The following OR5AN1 variants were observed in gnomAD, a reference collection of about 807,000 sequenced individuals.
The protein encoded by OR5AN1 is olfactory receptor 5AN1.
For synonymous variants in OR5AN1, 167 were observed against 131.8 expected, an observed-to-expected ratio of 1.27 and a Z score of -1.83; for missense variants, 476 against 368.9, an observed-to-expected ratio of 1.29 and a Z score of -2.38.
At position 59,371,030 on chromosome 11, in the gene OR5AN1, G is replaced by A. The variant is rs1857589731; in HGVS notation, c.*5636G>A. ...TCCATGTGTTATCTACACACAATTGGGTTCTTTTGCTTTAATATTTGTGTG... is the reference window on the plus strand; with the variant it reads ...TCCATGTGTTATCTACACACAATTGAGTTCTTTTGCTTTAATATTTGTGTG... On this transcript the variant is annotated 3_prime_UTR_variant, in exon 2 of 2. Transcript: ENST00000641998. 4 of 152,000 alleles carry A rather than the reference G, an allele frequency of 2.6e-5. No individual in the cohort carries two copies. The South Asian group carries it at 8.3e-4, about 32-fold the overall frequency. The allele number at this position is 152,000 out of a possible 1,614,324, so 9.4% of individuals were successfully genotyped here.
rs1288809999 is a variant in OR5AN1 at position 59,368,180 on chromosome 11, C to T, written c.*2786C>T. On this transcript the variant is annotated 3_prime_UTR_variant, in exon 2 of 2. Coordinates refer to ENST00000641998, the MANE Select transcript of OR5AN1 (RefSeq NM_001004729.2). ...AGCCACTGTCTTTGCTGTTTCACAG[C>T]CTTCACTGGTGACACCTCCAGGTTC... 1 of 152,300 alleles carries T rather than the reference C, an allele frequency of 6.6e-6. No individual in the cohort carries two copies. The highest frequency in any genetic ancestry group is 6.5e-5 in the Admixed American group (1 of 15,280). 9.4% of individuals were successfully genotyped at this position (152,300 alleles called of 1,614,324 possible). A position where few individuals can be genotyped will look rare whatever the true frequency, so the allele number is the denominator to read the frequency against.
intron 1 of OR5AN1, among the ~76,000 whole-genome samples, chr11:59,361,960 G>T (rs1857468582): frequency 6.6e-6 from 1 of 151,768 alleles, no homozygotes; most frequent in South Asian, 2.1e-4. Flanking sequence ...CATTATAAAT[G>T]GTTTGTAAGG....
chr11:59,365,000 A>G lies in OR5AN1; in HGVS notation c.542A>G (p.Asp181Gly), dbSNP rs1369767691. 3 of 1,614,010 alleles carry G rather than the reference A, an allele frequency of 1.9e-6. No individual in the cohort carries two copies. The highest frequency in any genetic ancestry group is 1.7e-5 in the Admixed American group (1 of 59,994). ...AATGTCATCAGACATTTCTTCTGTGACATGCCCCAACTGTTAATCTTGTCC... is the reference window on the plus strand; with the variant it reads ...AATGTCATCAGACATTTCTTCTGTGGCATGCCCCAACTGTTAATCTTGTCC... Reference protein sequence around the residue: ...GSNVIRHFFCDMPQLLILSCT... With the variant: ...GSNVIRHFFCGMPQLLILSCT... The change falls in exon 2 of 2, where the codon GAC (aspartate) becomes GGC (glycine). Residue 181 changes from aspartate (D) to glycine (G), a missense_variant. Asp to Gly is a moderately conservative substitution (Grantham distance 94, BLOSUM62 -1). Coordinates refer to ENST00000641998, the MANE Select transcript of OR5AN1 (RefSeq NM_001004729.2).
Position 59,365,080 on chromosome 11 carries a change from G to C in OR5AN1, c.622G>C (p.Gly208Arg). 1 of 1,614,050 alleles carries C rather than the reference G, an allele frequency of 6.2e-7. No homozygotes were observed. The highest frequency in any genetic ancestry group is 1.1e-5 in the South Asian group (1 of 91,080). Residue 208 changes from glycine (G) to arginine (R), a missense_variant, in exon 2 of 2, where the codon GGG (glycine) becomes CGG (arginine). Coordinates refer to ENST00000641998, the MANE Select transcript of OR5AN1 (RefSeq NM_001004729.2). ...VMTAILTMFF[G>R]IASALVIMIS... The stretch of plus-strand genomic sequence containing the variant: ...GACTGCTATATTAACCATGTTCTTT[G>C]GGATAGCAAGTGCCCTAGTTATCAT...
rs1045390539 is a variant in OR5AN1 at position 59,365,062 on chromosome 11, A to G, written c.604A>G (p.Ile202Val). The change falls in exon 2 of 2, where the codon ATA becomes GTA. Residue 202 changes from isoleucine to valine, a missense_variant. By Grantham distance (29) the Ile-to-Val change is conservative (BLOSUM62 3). Transcript: ENST00000641998. ...TTTCTTTGTACAGGTCATGACTGCT[A>G]TATTAACCATGTTCTTTGGGATAGC... is the stretch of plus-strand genomic sequence containing the variant. ...DTFFVQVMTA[I>V]LTMFFGIASA... is the part of the protein sequence containing the mutation. 3.1e-6 allele frequency: 5 copies of G among 1,613,972 alleles called. No individual in the cohort carries two copies. Among genetic ancestry groups the G allele is most frequent in the African/African-American group, 1.3e-5 (1 of 74,918 alleles).
chr11:59,365,389 T>C lies in OR5AN1; in HGVS notation c.931T>C (p.Cys311Arg), dbSNP rs771506013. 3 of 1,577,220 alleles carry C rather than the reference T, an allele frequency of 1.9e-6. No individual in the cohort carries two copies. The highest frequency in any genetic ancestry group is 2.3e-5 in the South Asian group (2 of 85,524). ...AAAGAGGTTGCAAAAGAGAAAGTGC[T>C]GCTGAGTTTACAGATTCTGAGATTT... Reference protein sequence around the residue: ...ALKRLQKRKCC With the variant: ...ALKRLQKRKCR The change falls in exon 2 of 2, where the codon TGC becomes CGC. Residue 311 changes from cysteine (C) to arginine (R), a missense_variant. Physicochemically the swap from Cys to Arg is radical, Grantham distance 180 (BLOSUM62 -3). Transcript: ENST00000641998.
rs969895358 is a variant in OR5AN1, at chr11:59,368,264, A to G, written c.*2870A>G. The G allele has an allele frequency of 6.6e-6, 1 of 152,268 alleles. No homozygotes were observed. Among genetic ancestry groups the G allele is most frequent in the African/African-American group, 2.4e-5 (1 of 41,450 alleles). The allele number at this position is 152,268 out of a possible 1,614,324, so 9.4% of individuals were successfully genotyped here. On this transcript the variant is annotated 3_prime_UTR_variant, in exon 2 of 2. Transcript: ENST00000641998. ...CCCCCAAGCATAAAACAGCAGCCCT[A>G]TGGAAAAGTGGCCAGAGTGTTTCGT...
At position 59,367,623 on chromosome 11, in the gene OR5AN1, C is replaced by T. The variant is rs1347094078; in HGVS notation, c.*2229C>T. The T allele has an allele frequency of 6.6e-6, 1 of 152,282 alleles. No homozygotes were observed. The allele number at this position is 152,282 out of a possible 1,614,324, so 9.4% of individuals were successfully genotyped here. On this transcript the variant is annotated 3_prime_UTR_variant, in exon 2 of 2. Coordinates refer to ENST00000641998, the MANE Select transcript of OR5AN1 (RefSeq NM_001004729.2). ...TCAAAGGGAAGAGCTGGGCTGTCAT[C>T]TTTGCTGTTCAGATGCCTTAGCTGT... is the stretch of plus-strand genomic sequence containing the variant.
chr11:59,363,819 G>T (rs969079100), intron 1 of OR5AN1, among the ~76,000 whole-genome samples: 1 of 152,156 alleles, frequency 6.6e-6, no homozygotes, highest in Non-Finnish European at 1.5e-5. Context: ...CTGGAGAGCA[G>T]CAGCATGATC....
chr11:59,371,316 G>GC lies in OR5AN1; in HGVS notation c.*5923dup, dbSNP rs1165424360. On this transcript the variant is annotated 3_prime_UTR_variant, in exon 2 of 2. Transcript: ENST00000641998. ...ATTTGGAGAGAAAGATTGTGTTATGGCAAGTTAGAAGAAACAGAATATGTG... is the reference window on the plus strand; with the variant it reads ...ATTTGGAGAGAAAGATTGTGTTATGGCCAAGTTAGAAGAAACAGAATATGTG... 2 of 152,124 alleles carry GC rather than the reference G, an allele frequency of 1.3e-5. No homozygotes were observed. The highest frequency in any genetic ancestry group is 2.9e-5 in the Non-Finnish European group (2 of 68,038). 9.4% of individuals were successfully genotyped at this position (152,124 alleles called of 1,614,324 possible). A position where few individuals can be genotyped will look rare whatever the true frequency, so the allele number is the denominator to read the frequency against.
At position 59,368,154 on chromosome 11, in the gene OR5AN1, A is replaced by T. The variant is rs1857555281; in HGVS notation, c.*2760A>T. The T allele has an allele frequency of 6.6e-6, 1 of 152,314 alleles. No individual in the cohort carries two copies. The highest frequency in any genetic ancestry group is 6.5e-5 in the Admixed American group (1 of 15,284). The allele number at this position is 152,314 out of a possible 1,614,324, so 9.4% of individuals were successfully genotyped here. The stretch of plus-strand genomic sequence containing the variant: ...GGACAAAGCTCTCAGAGGAAGGGAC[A>T]AGCCACTGTCTTTGCTGTTTCACAG... On this transcript the variant is annotated 3_prime_UTR_variant, in exon 2 of 2. Coordinates refer to ENST00000641998, the MANE Select transcript of OR5AN1 (RefSeq NM_001004729.2).
Position 59,369,422 on chromosome 11 carries a change from C to A in OR5AN1, c.*4028C>A, listed in dbSNP as rs1052487615. The A allele has an allele frequency of 1.3e-5, 2 of 152,056 alleles. No individual in the cohort carries two copies. Among genetic ancestry groups the A allele is most frequent in the Non-Finnish European group, 2.9e-5 (2 of 67,984 alleles). The allele number at this position is 152,056 out of a possible 1,614,324, so 9.4% of individuals were successfully genotyped here. A position where few individuals can be genotyped will look rare whatever the true frequency, so the allele number is the denominator to read the frequency against. ...AAGAAAAATAGCCAGTATAAAAAAG[C>A]ACTTAGTGGGTCTGACAGAGCTGAA... On this transcript the variant is annotated 3_prime_UTR_variant, in exon 2 of 2. Transcript: ENST00000641998.
rs755298553 is a variant in OR5AN1 at position 59,370,562 on chromosome 11, A to G, written c.*5168A>G. ...ACATGCTTGTGGAAACTAAAAGTTG[A>G]TTATGAAATTAATACAGAAAAGAGC... On this transcript the variant is annotated 3_prime_UTR_variant, in exon 2 of 2. Coordinates refer to ENST00000641998, the MANE Select transcript of OR5AN1 (RefSeq NM_001004729.2). The G allele has an allele frequency of 1.3e-5, 2 of 152,262 alleles. No homozygotes were observed. The highest frequency in any genetic ancestry group is 2.9e-5 in the Non-Finnish European group (2 of 68,048). 9.4% of individuals were successfully genotyped at this position (152,262 alleles called of 1,614,324 possible).
Position 59,367,917 on chromosome 11 carries a change from G to A in OR5AN1, c.*2523G>A, listed in dbSNP as rs773951897. 6.6e-6 allele frequency: 1 copy of A among 152,312 alleles called. No individual in the cohort carries two copies. The highest frequency in any genetic ancestry group is 1.5e-5 in the Non-Finnish European group (1 of 68,110). 9.4% of individuals were successfully genotyped at this position (152,312 alleles called of 1,614,324 possible). A position where few individuals can be genotyped will look rare whatever the true frequency, so the allele number is the denominator to read the frequency against. On this transcript the variant is annotated 3_prime_UTR_variant, in exon 2 of 2. Coordinates refer to ENST00000641998, the MANE Select transcript of OR5AN1 (RefSeq NM_001004729.2). ...CCATCTTTGCTGTTTTAATGACTTA[G>A]CAACTCCAGCCTTTGGGCTTTGAAG...
At position 59,370,562 on chromosome 11, in the gene OR5AN1, AT is replaced by A. The variant is rs1467275981; in HGVS notation, c.*5170del. ...ACATGCTTGTGGAAACTAAAAGTTGATTATGAAATTAATACAGAAAAGAGCA... is the reference window on the plus strand; with the variant it reads ...ACATGCTTGTGGAAACTAAAAGTTGATATGAAATTAATACAGAAAAGAGCA... On this transcript the variant is annotated 3_prime_UTR_variant, in exon 2 of 2. Transcript: ENST00000641998. 2 of 152,262 alleles carry A rather than the reference AT, an allele frequency of 1.3e-5. No individual in the cohort carries two copies. Among genetic ancestry groups the A allele is most frequent in the African/African-American group, 4.8e-5 (2 of 41,474 alleles). The allele number at this position is 152,262 out of a possible 1,614,324, so 9.4% of individuals were successfully genotyped here. A position where few individuals can be genotyped will look rare whatever the true frequency, so the allele number is the denominator to read the frequency against.
rs1301026442 is a variant in OR5AN1 at position 59,367,828 on chromosome 11, C to T, written c.*2434C>T. The T allele has an allele frequency of 2.0e-5, 3 of 152,462 alleles. No homozygotes were observed. 9.4% of individuals were successfully genotyped at this position (152,462 alleles called of 1,614,324 possible). A position where few individuals can be genotyped will look rare whatever the true frequency, so the allele number is the denominator to read the frequency against. On this transcript the variant is annotated 3_prime_UTR_variant, in exon 2 of 2. Coordinates refer to ENST00000641998, the MANE Select transcript of OR5AN1 (RefSeq NM_001004729.2). ...GGGGCCTGCAGCCACCCCCACCAAG[C>T]TCTCCAGGTGACAAAGATTTGAATT...
At position 59,366,875 on chromosome 11, in the gene OR5AN1, A is replaced by G. The variant is rs881833; in HGVS notation, c.*1481A>G. On this transcript the variant is annotated 3_prime_UTR_variant, in exon 2 of 2. Coordinates refer to ENST00000641998, the MANE Select transcript of OR5AN1 (RefSeq NM_001004729.2). ...ACAGATGAATAAACTTAGGCCAGAG[A>G]AATTCAGAAACACAGCTAGTAAGTG... 0.94 allele frequency: 143,178 copies of G among 152,276 alleles called. 67,769 individuals carry two copies. The highest frequency in any genetic ancestry group is 1 in the Non-Finnish European group (67,936 of 68,036). 9.4% of individuals were successfully genotyped at this position (152,276 alleles called of 1,614,324 possible).
chr11:59,361,713 C>T (rs1259080288), intron 1 of OR5AN1, among the ~76,000 whole-genome samples: 1 of 152,180 alleles, frequency 6.6e-6, no homozygotes, highest in East Asian at 1.9e-4. Context: ...CTAAACATCG[C>T]ACAGCCTGCA....
chr11:59,365,599 T>C lies in OR5AN1; in HGVS notation c.*205T>C. On this transcript the variant is annotated 3_prime_UTR_variant, in exon 2 of 2. Transcript: ENST00000641998. ...CATCAGGATCTTTAGGTCCTGGAGG[T>C]TCATTATTTTTATCCTACATCAGGA... The C allele has an allele frequency of 2.2e-6, 1 of 453,836 alleles. No homozygotes were observed. Among genetic ancestry groups the C allele is most frequent in the Admixed American group, 3.9e-5 (1 of 25,906 alleles). 28.1% of individuals were successfully genotyped at this position (453,836 alleles called of 1,614,324 possible). A position where few individuals can be genotyped will look rare whatever the true frequency, so the allele number is the denominator to read the frequency against.
Sources: gnomAD v4.1 joint callset for allele counts (sites outside exome capture counted in the v4.1 genomes callset) on GRCh38, gnomAD v4.1.1 for gene constraint, MANE v1.5 for transcripts, NCBI Gene and HGNC (gene_info 2026-07-23, HGNC 2026-07-21) for gene names.